The following BBS4 variants were observed in gnomAD, a reference collection of about 807,000 sequenced individuals.
BBS4 encodes Bardet-Biedl syndrome 4.
In BBS4, 58 loss-of-function variants were observed where a neutral mutation model predicts 71.4. The observed-to-expected ratio is 0.81, with a 90% confidence interval of 0.66 to 1.01. BBS4 has a LOEUF of 1.01. Among genes scored for constraint, BBS4 ranks in the 50% least tolerant of loss-of-function variants. The probability of loss-of-function intolerance (pLI) is 0.00; values close to 1 mark genes in which losing one functional copy is unlikely to be tolerated. For synonymous variants in BBS4, 228 were observed against 216.8 expected, an observed-to-expected ratio of 1.05 and a Z score of -0.46; for missense variants, 660 against 607.9, an observed-to-expected ratio of 1.09 and a Z score of -0.90.
chr15:72,733,197 G>A (rs949461229), intron 12 of BBS4, among the ~76,000 whole-genome samples: 1 of 152,162 alleles, frequency 6.6e-6, no homozygotes, highest in African/African-American at 2.4e-5. Flanking sequence ...GTACATACCT[G>A]TAGTGCTGGC....
chr15:72,735,730 A>T, intron 13 of BBS4, 95 bp from the exon 14 acceptor site: 1 of 1,489,016 alleles, frequency 6.7e-7, no homozygotes, highest in Non-Finnish European at 9.4e-7. Context: ...ATCTCTACTT[A>T]ACCAGTTTTG....
intron 1 of BBS4, among the ~76,000 whole-genome samples, chr15:72,693,580 T>A (rs1446342879): frequency 1.3e-5 from 2 of 152,200 alleles, no homozygotes; most frequent in African/African-American, 4.8e-5. Flanking sequence ...TGAGTGTGGG[T>A]ATGTTCTCAC....
intron 8 of BBS4, among the ~76,000 whole-genome samples, chr15:72,727,646 A>C (rs1379923420): frequency 1.3e-5 from 2 of 152,168 alleles, no homozygotes; most frequent in Non-Finnish European, 2.9e-5. Context: ...TAATTTTATC[A>C]GTGTGACCAA....
At chr15:72,693,503 AG>A (rs1413255002) in intron 1 of BBS4, among the ~76,000 whole-genome samples, 1 of 152,192 alleles carries the variant, frequency 6.6e-6, no homozygotes, top group Middle Eastern at 3.2e-3. Context: ...TGGGCCATAG[AG>A]TCTCTCTGAC....
At chr15:72,693,075 G>A (rs959515221) in intron 1 of BBS4, among the ~76,000 whole-genome samples, 1 of 152,070 alleles carries the variant, frequency 6.6e-6, no homozygotes, top group African/African-American at 2.4e-5. Context: ...CATGTTTACT[G>A]TAAGTCCAGG....
At chr15:72,733,093 A>C (rs997256584) in intron 12 of BBS4, among the ~76,000 whole-genome samples, 2 of 152,140 alleles carry the variant, frequency 1.3e-5, no homozygotes, top group African/African-American at 2.4e-5. Flanking sequence ...TATATCTAGG[A>C]ATTAGCTGAC....
chr15:72,692,680 C>T (rs6495014), intron 1 of BBS4, among the ~76,000 whole-genome samples: 1 of 151,840 alleles, frequency 6.6e-6, no homozygotes, highest in Non-Finnish European at 1.5e-5. Flanking sequence ...GCTGCAACTC[C>T]GCTTCCTGGG....
Position 72,737,695 on chromosome 15 carries a change from A to C in BBS4, c.*108A>C, listed in dbSNP as rs138572416. The C allele has an allele frequency of 3.0e-5, 27 of 888,364 alleles. No homozygotes were observed. The East Asian group carries it at 6.8e-4, about 22-fold the overall frequency. 55.0% of individuals were successfully genotyped at this position (888,364 alleles called of 1,614,324 possible). A position where few individuals can be genotyped will look rare whatever the true frequency, so the allele number is the denominator to read the frequency against. ...CAGAGTGGCACCCACCACAGAATAC[A>C]GTGTGTGTTATTACGAGGAGCCAGC... is the stretch of plus-strand genomic sequence containing the variant. On this transcript the variant is annotated 3_prime_UTR_variant, in exon 16 of 16. Coordinates refer to ENST00000268057, the MANE Select transcript of BBS4 (RefSeq NM_033028.5).
intron 1 of BBS4, chr15:72,686,684 T>A: frequency 1.3e-6 from 1 of 796,902 alleles, no homozygotes; most frequent in Non-Finnish European, 1.8e-6. Flanking sequence ...GTTTTTTCTG[T>A]GGTGATTAAG....
Position 72,715,373 on chromosome 15 carries a change from T to TG in BBS4, c.304dup (p.Asp102GlyfsTer2). On this transcript the variant is annotated frameshift_variant, in exon 5 of 16. Coordinates refer to ENST00000268057, the MANE Select transcript of BBS4 (RefSeq NM_033028.5). LOFTEE classifies it high-confidence loss of function. ...GTGCAGTTCTTAGTCCTCAGAGTGC[T>TG]GATAACCTCAAGCAGGTGGCCAGAT... 6.2e-7 allele frequency: 1 copy of TG among 1,614,020 alleles called. No homozygotes were observed. Among genetic ancestry groups the TG allele is most frequent in the Non-Finnish European group, 8.5e-7 (1 of 1,179,880 alleles).
chr15:72,687,174 A>G lies in BBS4; in HGVS notation c.24+923A>G, dbSNP rs1446926101. Among the ~76,000 whole-genome samples, 11 of 116,494 alleles carry G rather than the reference A, an allele frequency of 9.4e-5. No homozygotes were observed. The Admixed American group carries it at 9.7e-4, about 10-fold the overall frequency. 76.4% of individuals were successfully genotyped at this position (116,494 alleles called of 152,430 possible). ...CTGTTGTCGGCCCGGGCTGGAGTGC[A>G]ATGGCGCGATCTCGGCTCACTGCAA... On this transcript the variant is annotated intron_variant, in intron 1 of 15. Transcript: ENST00000268057.
intron 8 of BBS4, among the ~76,000 whole-genome samples, chr15:72,724,870 C>T (rs1172053627): frequency 2.0e-5 from 3 of 152,196 alleles, no homozygotes; most frequent in Middle Eastern, 3.4e-3. Context: ...GTTAGCTGGG[C>T]AGCTCTATTC....
intron 7 of BBS4, among the ~76,000 whole-genome samples, chr15:72,723,842 TC>T (rs1385203584): frequency 4.0e-5 from 6 of 151,872 alleles, no homozygotes; most frequent in African/African-American, 1.5e-4. Flanking sequence ...TTATTCTGAG[TC>T]AGGGGAAAAG....
intron 2 of BBS4, among the ~76,000 whole-genome samples, chr15:72,709,115 A>G (rs1018811901): frequency 6.6e-6 from 1 of 152,010 alleles, no homozygotes; most frequent in Non-Finnish European, 1.5e-5. Context: ...GATCTTTGTG[A>G]CCTACTCACT....
At chr15:72,733,491 T>A (rs2065866554) in intron 12 of BBS4, among the ~76,000 whole-genome samples, 1 of 152,152 alleles carries the variant, frequency 6.6e-6, no homozygotes, top group Non-Finnish European at 1.5e-5. Flanking sequence ...CTCCATGTGT[T>A]CTCATCATTT....
chr15:72,698,246 A>G (rs980329011), intron 2 of BBS4, among the ~76,000 whole-genome samples: 2 of 152,186 alleles, frequency 1.3e-5, no homozygotes, highest in African/African-American at 4.8e-5. Flanking sequence ...TGTAAAATAT[A>G]TATAAAATTT....
rs540475719 is a variant in BBS4, at chr15:72,704,026, G to A, written c.77-5674G>A. 1.1e-3 allele frequency among the ~76,000 whole-genome samples: 166 copies of A among 152,120 alleles called. 1 individual carries two copies. The highest frequency in any genetic ancestry group is 3.8e-3 in the African/African-American group (157 of 41,532). ...TGGAATTGTTTAAAATATGTCAGGT[G>A]CATCCTTAAAGGGAGAAAGAAGGGG... is the stretch of plus-strand genomic sequence containing the variant. On this transcript the variant is annotated intron_variant, in intron 2 of 15. Coordinates refer to ENST00000268057, the MANE Select transcript of BBS4 (RefSeq NM_033028.5).
intron 12 of BBS4, among the ~76,000 whole-genome samples, chr15:72,733,256 G>A (rs2065860504): frequency 6.6e-6 from 1 of 152,086 alleles, no homozygotes; most frequent in Non-Finnish European, 1.5e-5. Flanking sequence ...GGAGTTGGGA[G>A]TACAGCCTGG....
chr15:72,699,914 G>A (rs1190396800), intron 2 of BBS4, among the ~76,000 whole-genome samples: 1 of 152,134 alleles, frequency 6.6e-6, no homozygotes, highest in Non-Finnish European at 1.5e-5. Context: ...AATGTTTCCA[G>A]TTTTTGAGTA....
Sources: allele counts gnomAD v4.1 joint callset (sites outside exome capture counted in the v4.1 genomes callset), GRCh38; gene constraint gnomAD v4.1.1; transcripts MANE v1.5; gene names NCBI Gene and HGNC (gene_info 2026-07-23, HGNC 2026-07-21).